Variants in VSIR observed in about 807,000 individuals in gnomAD.
The protein encoded by VSIR is V-set immunoregulatory receptor.
VSIR carries 10 observed loss-of-function variants against 31.0 expected under a neutral mutation model. The observed-to-expected ratio is 0.32, with a 90% CI of 0.20 to 0.55. The LOEUF is 0.55. Among genes scored for constraint, VSIR ranks in the 20% least tolerant of loss-of-function variants. The pLI, the probability that VSIR is intolerant of heterozygous loss-of-function variation, is 0.93. For missense variants in VSIR, 356 were observed against 416.2 expected (o/e 0.86, Z 1.26); for synonymous variants, 179 against 180.1 (o/e 0.99, Z 0.05).
Position 71,761,877 on chromosome 10 carries a change from C to T in VSIR, c.232G>A (p.Gly78Ser), listed in dbSNP as rs776266575. Residue 78 changes from glycine (G) to serine (S), a missense_variant, in exon 2 of 7, where the codon GGC (glycine) becomes AGC (serine). Physicochemically the swap from Gly to Ser is moderately conservative, Grantham distance 56. Around this residue, in one of 2 missense-constraint regions of VSIR, gnomAD observed 166 missense variants for 231.0 expected, o/e 0.72. Coordinates refer to ENST00000394957, the MANE Select transcript of VSIR (RefSeq NM_022153.2). ...FYKTWYRSSRGEVQTCSERRP... is the reference protein window; with the variant it reads ...FYKTWYRSSRSEVQTCSERRP... ...CGCTCTGAGCAGGTCTGCACCTCGC[C>T]CCTCGAGCTGCGGTACCACGTCTTG... is the stretch of plus-strand genomic sequence containing the variant. 1.9e-6 allele frequency: 3 copies of T among 1,614,142 alleles called. No individual in the cohort carries two copies. Among genetic ancestry groups the T allele is most frequent in the Admixed American group, 3.3e-5 (2 of 60,032 alleles).
In VSIR at chr10:71,760,877, C is replaced by T; in HGVS notation, c.559G>A (p.Asp187Asn). The change falls in exon 3 of 7, where the codon GAT becomes AAT. Residue 187 changes from aspartate (D) to asparagine (N), a missense_variant. By Grantham distance (23) the Asp-to-Asn change is conservative (BLOSUM62 1). Around this residue, in one of 2 missense-constraint regions of VSIR, gnomAD observed 190 missense variants for 185.2 expected, o/e 1.03. Coordinates refer to ENST00000394957, the MANE Select transcript of VSIR (RefSeq NM_022153.2). ...GAGGTTGGTCCCTTACTTTCACTAT[C>T]CTGGGAGGAGGATGGGTACACCACA... ...NCVVYPSSSQ[D>N]SENITAAALA... is the part of the protein sequence containing the mutation. 2 of 1,613,676 alleles carry T rather than the reference C, an allele frequency of 1.2e-6. No homozygotes were observed. Among genetic ancestry groups the T allele is most frequent in the Non-Finnish European group, 1.7e-6 (2 of 1,179,622 alleles).
intron 1 of VSIR, among the ~76,000 whole-genome samples, chr10:71,766,314 G>A (rs946485406): frequency 1.3e-5 from 2 of 152,296 alleles, no homozygotes; most frequent in South Asian, 2.1e-4. Context: ...TGTGCCAGGC[G>A]GGAACCGTCC....
rs1840390983 is a variant in VSIR at position 71,761,718 on chromosome 10, T to C, written c.391A>G (p.Ile131Val). The C allele has an allele frequency of 2.5e-6, 4 of 1,614,008 alleles. No homozygotes were observed. Among genetic ancestry groups the C allele is most frequent in the Non-Finnish European group, 2.5e-6 (3 of 1,180,002 alleles). The change falls in exon 2 of 7, where the codon ATC (isoleucine) becomes GTC (valine). Residue 131 changes from isoleucine to valine, a missense_variant. Coordinates refer to ENST00000394957, the MANE Select transcript of VSIR (RefSeq NM_022153.2). Reference protein sequence around the residue: ...SASDHHGNFSITMRNLTLLDS... With the variant: ...SASDHHGNFSVTMRNLTLLDS... ...AGCAGGGTCAGGTTGCGCATGGTGATGGAGAAGTTGCCATGGTGGTCGGAG... is the reference window on the plus strand; with the variant it reads ...AGCAGGGTCAGGTTGCGCATGGTGACGGAGAAGTTGCCATGGTGGTCGGAG...
Position 71,751,726 on chromosome 10 carries a change from C to T in VSIR, c.840G>A (p.Ser280=), listed in dbSNP as rs199673713. 344 of 1,584,586 alleles carry T rather than the reference C, an allele frequency of 2.2e-4. 1 individual carries two copies. Among genetic ancestry groups the T allele is most frequent in the Non-Finnish European group, 2.6e-4 (306 of 1,166,762 alleles). The change falls in exon 6 of 7, where the codon TCG becomes TCA. Residue 280 remains serine (S), a synonymous_variant. Transcript: ENST00000394957. The surrounding 1 kb of genome is among the most constrained non-coding windows in gnomAD (Gnocchi z 4.9). Reference sequence around the variant, plus strand: ...GAGGAGACAGGGGGGTGCTGGGCTCCGAAAGCAGATGCCGCCCAGACTCAG... The same window carrying T: ...GAGGAGACAGGGGGGTGCTGGGCTCTGAAAGCAGATGCCGCCCAGACTCAG... ...QPSESGRHLL[S]EPSTPLSPPG...
chr10:71,765,537 C>T (rs74145638), intron 1 of VSIR, among the ~76,000 whole-genome samples: 4,067 of 152,294 alleles, frequency 0.027, 198 homozygotes, highest in African/African-American at 0.092. Flanking sequence ...GGCTGGGAGC[C>T]CTCAGGGTCT....
intron 1 of VSIR, among the ~76,000 whole-genome samples, chr10:71,765,537 C>A (rs74145638): frequency 6.6e-6 from 1 of 152,186 alleles, no homozygotes; most frequent in African/African-American, 2.4e-5. Flanking sequence ...GGCTGGGAGC[C>A]CTCAGGGTCT....
At chr10:71,753,108 G>C in intron 4 of VSIR, 106 bp from the exon 5 acceptor site, 1 of 1,367,288 alleles carries the variant, frequency 7.3e-7, no homozygotes, top group South Asian at 1.3e-5. Flanking sequence ...AGCGAGCCCA[G>C]GAGGGCCCTG....
At chr10:71,761,458 A>G in intron 2 of VSIR, 140 bp downstream of exon 2, 1 of 1,038,694 alleles carries the variant, frequency 9.6e-7, no homozygotes, top group African/African-American at 1.6e-5. Flanking sequence ...TGACCACCCC[A>G]TCTCACCCAC....
Position 71,773,497 on chromosome 10 carries a change from G to T in VSIR, c.-58C>A. The T allele has an allele frequency of 6.6e-7, 1 of 1,516,596 alleles. No homozygotes were observed. The highest frequency in any genetic ancestry group is 2.4e-5 in the East Asian group (1 of 40,958). The allele number at this position is 1,516,596 out of a possible 1,614,324, so 93.9% of individuals were successfully genotyped here. On this transcript the variant is annotated 5_prime_UTR_variant, in exon 1 of 7. Transcript: ENST00000394957. ...GCCGGGGAGCGGGCGGGACGCGGCC[G>T]GCGCGGGGAAGCCTCCCGCGACTGA... is the stretch of plus-strand genomic sequence containing the variant.
At chr10:71,770,248 T>C (rs552702203) in intron 1 of VSIR, among the ~76,000 whole-genome samples, 1 of 152,260 alleles carries the variant, frequency 6.6e-6, no homozygotes, top group Non-Finnish European at 1.5e-5. Context: ...CTGTGTTAAG[T>C]GTTCGTTCAT....
chr10:71,758,348 C>A (rs1188214213), intron 3 of VSIR, among the ~76,000 whole-genome samples: 2 of 152,180 alleles, frequency 1.3e-5, no homozygotes, highest in Admixed American at 1.3e-4. Flanking sequence ...CTAGCAGGGG[C>A]TGGTCCCCAC....
chr10:71,747,823 G>C lies in VSIR; in HGVS notation c.*3430C>G, dbSNP rs1839889114. 1 of 152,276 alleles carries C rather than the reference G, an allele frequency of 6.6e-6. No individual in the cohort carries two copies. The highest frequency in any genetic ancestry group is 1.5e-5 in the Non-Finnish European group (1 of 68,064). The allele number at this position is 152,276 out of a possible 1,614,324, so 9.4% of individuals were successfully genotyped here. ...ATCTATCTCGGCACTGTCTCACCAAGCTATATTGATCATTCAGAATCCCTC... is the reference window on the plus strand; with the variant it reads ...ATCTATCTCGGCACTGTCTCACCAACCTATATTGATCATTCAGAATCCCTC... On this transcript the variant is annotated 3_prime_UTR_variant, in exon 7 of 7. Transcript: ENST00000394957.
At chr10:71,759,834 C>CATAT (rs1840255566) in intron 3 of VSIR, among the ~76,000 whole-genome samples, 1 of 69,622 alleles carries the variant, frequency 1.4e-5, no homozygotes, top group East Asian at 3.8e-4. Flanking sequence ...CACACACACA[C>CATAT]ACACACACAC....
intron 3 of VSIR, among the ~76,000 whole-genome samples, chr10:71,759,488 CAG>C (rs767307002): frequency 6.6e-6 from 1 of 150,606 alleles, no homozygotes; most frequent in African/African-American, 2.4e-5. Context: ...GCCTGAGTGA[CAG>C]AGAGAGAGTC....
At position 71,761,696 on chromosome 10, in the gene VSIR, A is replaced by C; in HGVS notation, c.413T>G (p.Leu138Arg). The C allele has an allele frequency of 2.5e-6, 4 of 1,614,006 alleles. No homozygotes were observed. Among genetic ancestry groups the C allele is most frequent in the Non-Finnish European group, 3.4e-6 (4 of 1,180,016 alleles). ...GCAGCAGTAGAGGCCGCTATCCAGCAGGGTCAGGTTGCGCATGGTGATGGA... is the reference window on the plus strand; with the variant it reads ...GCAGCAGTAGAGGCCGCTATCCAGCCGGGTCAGGTTGCGCATGGTGATGGA... Reference protein sequence around the residue: ...NFSITMRNLTLLDSGLYCCLV... With the variant: ...NFSITMRNLTRLDSGLYCCLV... Residue 138 changes from leucine to arginine, a missense_variant, in exon 2 of 7, where the codon CTG becomes CGG. Leu to Arg is a moderately radical substitution (Grantham distance 102, BLOSUM62 -2). Coordinates refer to ENST00000394957, the MANE Select transcript of VSIR (RefSeq NM_022153.2).
intron 3 of VSIR, 131 bp downstream of exon 3, chr10:71,760,737 A>G: frequency 1.2e-6 from 1 of 800,118 alleles, no homozygotes; most frequent in Admixed American, 1.9e-5. Context: ...GTGCAGCAGC[A>G]GAAAAGGAGG....
intron 4 of VSIR, among the ~76,000 whole-genome samples, chr10:71,754,187 C>G (rs930027152): frequency 1.3e-5 from 2 of 152,162 alleles, no homozygotes; most frequent in Non-Finnish European, 2.9e-5. Flanking sequence ...GTTCCAAGCC[C>G]TTTACCTGCC....
intron 1 of VSIR, among the ~76,000 whole-genome samples, chr10:71,768,107 C>T (rs1840598538): frequency 1.3e-5 from 2 of 152,186 alleles, no homozygotes; most frequent in Non-Finnish European, 2.9e-5. Context: ...CTTTTTGCCC[C>T]CTACTACTCT....
Position 71,760,207 on chromosome 10 carries a change from GTGTGTATATATGTGTATATA to G in VSIR, c.568+641_568+660del, listed in dbSNP as rs1326804363. 1.9e-4 allele frequency among the ~76,000 whole-genome samples: 3 copies of G among 16,184 alleles called. 1 individual carries two copies. Among genetic ancestry groups the G allele is most frequent in the African/African-American group, 7.8e-4 (3 of 3,824 alleles). The allele number at this position is 16,184 out of a possible 152,430, so 10.6% of individuals were successfully genotyped here. On this transcript the variant is annotated intron_variant, in intron 3 of 6. Coordinates refer to ENST00000394957, the MANE Select transcript of VSIR (RefSeq NM_022153.2). ...TATATATATGTATATACATATATAT[GTGTGTATATATGTGTATATA>G]TATGTATATACATATATATGTATGT...
Sources: gnomAD v4.1 joint callset for allele counts (sites outside exome capture counted in the v4.1 genomes callset) on GRCh38, gnomAD v4.1.1 for gene constraint, gnomAD v4.1.1 regional missense constraint, Gnocchi (gnomAD v3.1) non-coding constraint, MANE v1.5 for transcripts, NCBI Gene and HGNC (gene_info 2026-07-23, HGNC 2026-07-21) for gene names.